The following ABCC9 variants were observed in gnomAD, a reference collection of about 807,000 sequenced individuals.
The protein encoded by ABCC9 is ATP-binding cassette sub-family C member 9.
In ABCC9, 95 loss-of-function variants were observed where a neutral mutation model predicts 188.3. That is an observed-to-expected ratio of 0.50 (90% confidence interval 0.43 to 0.60). The LOEUF is 0.60. ABCC9 is among the 20% of genes least tolerant of loss of function. The pLI, the probability that ABCC9 is intolerant of heterozygous loss-of-function variation, is 0.00. For missense variants in ABCC9, 1,102 were observed against 1,876.3 expected (o/e 0.59, Z 7.62); for synonymous variants, 659 against 652.7 (o/e 1.01, Z -0.15).
At chr12:21,803,553 G>T (rs1941626946) in intron 39 of ABCC9, among the ~76,000 whole-genome samples, 1 of 151,350 alleles carries the variant, frequency 6.6e-6, no homozygotes, top group Non-Finnish European at 1.5e-5. Context: ...TACTCGGGAG[G>T]CTGAGACAGG....
intron 36 of ABCC9, among the ~76,000 whole-genome samples, chr12:21,810,905 G>T (rs1001778427): frequency 2.0e-5 from 3 of 152,080 alleles, no homozygotes; most frequent in African/African-American, 4.8e-5. Context: ...AAAAGGAGGT[G>T]GCAAACACTT....
chr12:21,896,079 C>CTTTTTTTTTTTTTTTTTTTTTTT (rs5796933), intron 12 of ABCC9, among the ~76,000 whole-genome samples: 3 of 128,032 alleles, frequency 2.3e-5, no homozygotes, highest in African/African-American at 5.9e-5. Context: ...ATCTAATTTT[C>CTTTTTTTTTTTTTTTTTTTTTTT]TTTTTTTTTT....
rs1466183608 is a variant in ABCC9, at chr12:21,887,876, T to C, written c.1861A>G (p.Thr621Ala). The change falls in exon 15 of 40, where the codon ACT becomes GCT. Residue 621 changes from threonine (T) to alanine (A), a missense_variant. Thr to Ala is a moderately conservative substitution (Grantham distance 58, BLOSUM62 0). Coordinates refer to ENST00000261200, the MANE Select transcript of ABCC9 (RefSeq NM_020297.4). ...TCAAAAGGAAGCGAACTTTCACCAG[T>C]TCGCCAACTGTCGTCACCAATCTCA... ...SDEIGDDSWR[T>A]GESSLPFESC... The C allele has an allele frequency of 6.2e-7, 1 of 1,613,538 alleles. No homozygotes were observed.
intron 39 of ABCC9, among the ~76,000 whole-genome samples, chr12:21,801,432 G>A (rs559677021): frequency 3.9e-5 from 6 of 152,132 alleles, no homozygotes; most frequent in African/African-American, 1.4e-4. Context: ...ATATATCAGC[G>A]TCATCATTTT....
intron 31 of ABCC9, among the ~76,000 whole-genome samples, chr12:21,818,508 C>G (rs1458340289): frequency 7.6e-6 from 1 of 131,242 alleles, no homozygotes; most frequent in African/African-American, 2.9e-5. Flanking sequence ...CTATATATAA[C>G]TATATAGATA....
intron 37 of ABCC9, among the ~76,000 whole-genome samples, chr12:21,809,014 G>A (rs933186871): frequency 6.6e-6 from 1 of 151,978 alleles, no homozygotes; most frequent in Non-Finnish European, 1.5e-5. Flanking sequence ...ATTTTATTTT[G>A]TAGGTTGACT....
chr12:21,811,142 T>C (rs1942208638), intron 36 of ABCC9, among the ~76,000 whole-genome samples: 1 of 152,208 alleles, frequency 6.6e-6, no homozygotes, highest in South Asian at 2.1e-4. Flanking sequence ...TGAGTTTTTA[T>C]GAGATTCGAT....
intron 14 of ABCC9, among the ~76,000 whole-genome samples, chr12:21,892,143 A>T (rs1195366377): frequency 6.6e-6 from 1 of 152,202 alleles, no homozygotes; most frequent in Admixed American, 6.5e-5. Context: ...CTTTTCCATG[A>T]GATGTGCAGA....
intron 16 of ABCC9, among the ~76,000 whole-genome samples, chr12:21,880,556 A>C (rs1430999989): frequency 6.6e-6 from 1 of 152,192 alleles, no homozygotes; most frequent in African/African-American, 2.4e-5. Flanking sequence ...TAATTCACAA[A>C]AGAGAAATCC....
At position 21,800,371 on chromosome 12, in the gene ABCC9, C is replaced by G. The variant is rs1445268417; in HGVS notation, c.*673G>C. The G allele has an allele frequency of 6.6e-6, 1 of 152,190 alleles. No homozygotes were observed. The highest frequency in any genetic ancestry group is 1.5e-5 in the Non-Finnish European group (1 of 68,048). The allele number at this position is 152,190 out of a possible 1,614,324, so 9.4% of individuals were successfully genotyped here. On this transcript the variant is annotated 3_prime_UTR_variant, in exon 40 of 40. Transcript: ENST00000261200. ...TTATGCCTGATATCTTAAGAATTCT[C>G]TCTTTACAGGACAGGAAAAAATGAA...
intron 37 of ABCC9, among the ~76,000 whole-genome samples, chr12:21,808,932 C>T (rs1162837443): frequency 6.6e-6 from 1 of 152,032 alleles, no homozygotes; most frequent in African/African-American, 2.4e-5. Context: ...CTCCTTGGAA[C>T]TTAATTAAAA....
chr12:21,843,968 G>C (rs543682383), intron 28 of ABCC9, among the ~76,000 whole-genome samples: 1 of 152,280 alleles, frequency 6.6e-6, no homozygotes, highest in Admixed American at 6.5e-5. Context: ...AGAGTTTGAT[G>C]TCTTTTATTT....
At chr12:21,805,059 G>A in intron 39 of ABCC9, 5 of 1,476,168 alleles carry the variant, frequency 3.4e-6, no homozygotes, top group Non-Finnish European at 2.8e-6. Flanking sequence ...CCTGCAGTTA[G>A]TTCCCTCATC....
chr12:21,850,642 C>A (rs1944916162), intron 24 of ABCC9, among the ~76,000 whole-genome samples: 1 of 152,200 alleles, frequency 6.6e-6, no homozygotes, highest in African/African-American at 2.4e-5. Context: ...AACAGTGTTA[C>A]TATAATATTG....
chr12:21,927,330 T>G (rs1384872973), intron 4 of ABCC9, among the ~76,000 whole-genome samples: 1 of 152,108 alleles, frequency 6.6e-6, no homozygotes, highest in African/African-American at 2.4e-5. Flanking sequence ...CTAGCAGTCA[T>G]GTGGATAAGG....
rs561207661 is a variant in ABCC9, at chr12:21,868,839, C to G, written c.2198+3786G>C. Among the ~76,000 whole-genome samples the G allele has an allele frequency of 3.9e-5, 6 of 152,222 alleles. No individual in the cohort carries two copies. The South Asian group carries it at 1.2e-3, about 32-fold the overall frequency. On this transcript the variant is annotated intron_variant, in intron 18 of 39. Coordinates refer to ENST00000261200, the MANE Select transcript of ABCC9 (RefSeq NM_020297.4). ...AGCAGCTTATGAATATCAATAATTTCTAAATTAGCTTAGCTTTAATTAATA... is the reference window on the plus strand; with the variant it reads ...AGCAGCTTATGAATATCAATAATTTGTAAATTAGCTTAGCTTTAATTAATA...
chr12:21,805,344 C>T (rs769733755), intron 39 of ABCC9: 17 of 1,603,760 alleles, frequency 1.1e-5, no homozygotes, highest in Non-Finnish European at 1.3e-5. Context: ...AGAGAATCAG[C>T]AGAAGGAAAA....
chr12:21,904,527 C>T (rs954759228), intron 12 of ABCC9, among the ~76,000 whole-genome samples: 55 of 152,286 alleles, frequency 3.6e-4, no homozygotes, highest in Middle Eastern at 3.4e-3. Context: ...GCAATCTACT[C>T]ATCTGACAAA....
chr12:21,862,116 C>A (rs1233801880), intron 20 of ABCC9, among the ~76,000 whole-genome samples: 1 of 151,768 alleles, frequency 6.6e-6, no homozygotes, highest in Non-Finnish European at 1.5e-5. Context: ...TTTTTCTCAA[C>A]CATCCCTTCT....
Sources: allele counts gnomAD v4.1 joint callset (sites outside exome capture counted in the v4.1 genomes callset), GRCh38; gene constraint gnomAD v4.1.1; transcripts MANE v1.5; gene names NCBI Gene and HGNC (gene_info 2026-07-23, HGNC 2026-07-21).